ALOX15B: variants seen among roughly 807,000 people sequenced by gnomAD.
ALOX15B encodes the protein polyunsaturated fatty acid lipoxygenase ALOX15B.
A neutral mutation model predicts 73.8 loss-of-function variants in ALOX15B; 74 were observed. The ratio of observed to expected loss-of-function variants is 1.00; its 90% CI spans 0.83 to 1.22. ALOX15B has a LOEUF of 1.22. Ranked by LOEUF, ALOX15B falls within the 50% of genes most tolerant of loss-of-function variation. The pLI is 0.00. For missense variants in ALOX15B, 896 were observed against 859.9 expected (o/e 1.04, Z -0.52); for synonymous variants, 353 against 357.2 (o/e 0.99, Z 0.13).
chr17:8,046,622 G>A, intron 8 of ALOX15B, 46 bp from the exon 9 acceptor site: 1 of 1,585,134 alleles, frequency 6.3e-7, no homozygotes, highest in South Asian at 1.1e-5. Flanking sequence ...TCTGGGGCCA[G>A]AACAACCCAG....
rs200065292 is a variant in ALOX15B, at chr17:8,039,489, C to G, written c.251C>G (p.Pro84Arg). The G allele has an allele frequency of 7.8e-5, 123 of 1,583,108 alleles. No individual in the cohort carries two copies. In the African/African-American group the frequency reaches 1.4e-3, roughly 18 times the overall value. Reference protein sequence around the residue: ...PVLPLLGPLAPDAWFCRWFQL... With the variant: ...PVLPLLGPLARDAWFCRWFQL... ...CTGCCCCTGCTGGGGCCCCTGGCCC[C>G]GGATGCCTGGTTCTGCCGCTGGTTC... Residue 84 changes from proline to arginine, a missense_variant, in exon 2 of 14, where the codon CCG becomes CGG. By Grantham distance (103) the Pro-to-Arg change is moderately radical (BLOSUM62 -2). Transcript: ENST00000380183.
intron 8 of ALOX15B, 78 bp downstream of exon 8, chr17:8,045,764 C>G (rs1431594180): frequency 6.7e-7 from 1 of 1,484,972 alleles, no homozygotes; most frequent in Non-Finnish European, 9.2e-7. Context: ...TCACATGGCC[C>G]TATCCATGCA....
At chr17:8,046,629 C>A (rs1377914481) in intron 8 of ALOX15B, 39 bp from the exon 9 acceptor site, 26 of 1,594,262 alleles carry the variant, frequency 1.6e-5, no homozygotes, top group Non-Finnish European at 2.2e-5. Flanking sequence ...CCAGAACAAC[C>A]CAGGCCTCCC....
intron 5 of ALOX15B, among the ~76,000 whole-genome samples, chr17:8,044,008 G>A (rs776394091): frequency 1.4e-4 from 22 of 151,866 alleles, no homozygotes; most frequent in Non-Finnish European, 2.5e-4. Context: ...GATGGAGGTT[G>A]CCCTGAGCCA....
At position 8,039,548 on chromosome 17, in the gene ALOX15B, T is replaced by G; in HGVS notation, c.310T>G (p.Phe104Val). ...ACCGCCGCGGGGCGGCCACCTCCTC[T>G]TCCCCTGCTACCAGTGGCTGGAGGG... ...LTPPRGGHLLFPCYQWLEGAG... is the reference protein window; with the variant it reads ...LTPPRGGHLLVPCYQWLEGAG... Residue 104 changes from phenylalanine (F) to valine (V), a missense_variant, in exon 2 of 14, where the codon TTC (phenylalanine) becomes GTC (valine). Coordinates refer to ENST00000380183, the MANE Select transcript of ALOX15B (RefSeq NM_001141.3). 1 of 1,518,220 alleles carries G rather than the reference T, an allele frequency of 6.6e-7. No homozygotes were observed. The highest frequency in any genetic ancestry group is 8.8e-7 in the Non-Finnish European group (1 of 1,134,866). 94.0% of individuals were successfully genotyped at this position (1,518,220 alleles called of 1,614,324 possible). A position where few individuals can be genotyped will look rare whatever the true frequency, so the allele number is the denominator to read the frequency against.
intron 5 of ALOX15B, 68 bp from the exon 6 acceptor site, chr17:8,044,761 C>A: frequency 9.5e-7 from 1 of 1,049,514 alleles, no homozygotes; most frequent in Non-Finnish European, 1.4e-6. Context: ...ACCCCGTCCC[C>A]GTGTCCCCCA....
Position 8,044,884 on chromosome 17 carries a change from T to C in ALOX15B, c.732T>C (p.Asn244=). Residue 244 remains asparagine, a synonymous_variant, in exon 6 of 14, where the codon AAT becomes AAC. Coordinates refer to ENST00000380183, the MANE Select transcript of ALOX15B (RefSeq NM_001141.3). The part of the protein sequence containing the change: ...EDAFFASQFL[N]GLNPVLIRRC... ...CCTTCTTCGCCTCCCAGTTCCTGAA[T>C]GGTCTCAACCCTGTCCTGATCCGCC... The C allele has an allele frequency of 6.2e-7, 1 of 1,610,808 alleles. No individual in the cohort carries two copies. Among genetic ancestry groups the C allele is most frequent in the South Asian group, 1.1e-5 (1 of 91,006 alleles).
rs371467617 is a variant in ALOX15B, at chr17:8,046,703, C to G, written c.1236C>G (p.Ile412Met). The change falls in exon 9 of 14, where the codon ATC (isoleucine) becomes ATG (methionine). Residue 412 changes from isoleucine (I) to methionine (M), a missense_variant. Coordinates refer to ENST00000380183, the MANE Select transcript of ALOX15B (RefSeq NM_001141.3). ...LIPHTRYTLH[I>M]NTLARELLIV... is the part of the protein sequence containing the mutation. ...CGCACACCCGATACACCCTGCACAT[C>G]AACACACTCGCCCGGGAGCTGCTTA... The G allele has an allele frequency of 6.8e-6, 11 of 1,613,930 alleles. No homozygotes were observed. The highest frequency in any genetic ancestry group is 2.7e-5 in the African/African-American group (2 of 74,930).
Position 8,042,883 on chromosome 17 carries a change from T to G in ALOX15B, c.675T>G (p.Ala225=). 6.4e-7 allele frequency: 1 copy of G among 1,551,596 alleles called. No homozygotes were observed. The highest frequency in any genetic ancestry group is 1.4e-5 in the African/African-American group (1 of 73,226). Residue 225 remains alanine, a splice_region_variant and synonymous_variant, in exon 5 of 14, where the codon GCT becomes GCG. Coordinates refer to ENST00000380183, the MANE Select transcript of ALOX15B (RefSeq NM_001141.3). The stretch of plus-strand genomic sequence containing the variant: ...TCAACTTCCGGAGGACCCCAGCAGC[T>G]GGTGAGGAGCTTGGGCCAGGGATCC... ...RIFNFRRTPA[A]EHAFEHWQED...
At position 8,048,417 on chromosome 17, in the gene ALOX15B, T is replaced by A. The variant is rs117647130; in HGVS notation, c.1883T>A (p.Phe628Tyr). Reference sequence around the variant, plus strand: ...CTGGGCACCTATCCGGATGAGCACTTCACAGAGGAGGCCCCTCGGCGGAGC... The same window carrying A: ...CTGGGCACCTATCCGGATGAGCACTACACAGAGGAGGCCCCTCGGCGGAGC... ...RPLGTYPDEH[F>Y]TEEAPRRSIA... The change falls in exon 14 of 14, where the codon TTC becomes TAC. Residue 628 changes from phenylalanine to tyrosine, a missense_variant. Coordinates refer to ENST00000380183, the MANE Select transcript of ALOX15B (RefSeq NM_001141.3). 8 of 1,613,926 alleles carry A rather than the reference T, an allele frequency of 5.0e-6. No homozygotes were observed. The East Asian group carries it at 1.8e-4, about 36-fold the overall frequency.
At chr17:8,044,690 G>T in intron 5 of ALOX15B, 139 bp from the exon 6 acceptor site, 1 of 708,054 alleles carries the variant, frequency 1.4e-6, no homozygotes, top group Non-Finnish European at 2.3e-6. Flanking sequence ...ACAAGGGGCA[G>T]GGGAGGTAAC....
Position 8,042,794 on chromosome 17 carries a change from A to T in ALOX15B, c.586A>T (p.Lys196Ter). 1.3e-6 allele frequency: 2 copies of T among 1,557,958 alleles called. No homozygotes were observed. Among genetic ancestry groups the T allele is most frequent in the Non-Finnish European group, 1.7e-6 (2 of 1,150,560 alleles). ...ATCCCCTGGCAGTTTTGCAGAGATG[A>T]AAATCAAGGGGTTGCTGGACCGCAA... ...LQAGSAFAEM[K>*]IKGLLDRKGL... is the part of the protein sequence containing the mutation. Residue 196 changes from lysine (K) to a stop codon, truncating the protein, a stop_gained, in exon 5 of 14, where the codon AAA becomes TAA. Transcript: ENST00000380183. LOFTEE classifies it high-confidence loss of function.
Position 8,042,789 on chromosome 17 carries a change from A to T in ALOX15B, c.581A>T (p.Glu194Val). ...CTCACATCCCCTGGCAGTTTTGCAG[A>T]GATGAAAATCAAGGGGTTGCTGGAC... ...FYLQAGSAFA[E>V]MKIKGLLDRK... Residue 194 changes from glutamate (E) to valine (V), a missense_variant, in exon 5 of 14, where the codon GAG becomes GTG. Physicochemically the swap from Glu to Val is moderately radical, Grantham distance 121. Transcript: ENST00000380183. The T allele has an allele frequency of 6.4e-7, 1 of 1,557,440 alleles. No homozygotes were observed. Among genetic ancestry groups the T allele is most frequent in the Non-Finnish European group, 8.7e-7 (1 of 1,150,432 alleles).
chr17:8,045,966 G>A (rs770708543), intron 8 of ALOX15B, among the ~76,000 whole-genome samples: 9 of 151,732 alleles, frequency 5.9e-5, no homozygotes, highest in Non-Finnish European at 1.0e-4. Flanking sequence ...GGGGCTGGCA[G>A]GTGCCAAAGT....
rs1344443209 is a variant in ALOX15B, at chr17:8,047,639, A to C, written c.1655A>C (p.Lys552Thr). Residue 552 changes from lysine (K) to threonine (T), a missense_variant, in exon 12 of 14, where the codon AAG becomes ACG. Transcript: ENST00000380183. ...ATGGTGATATTCACCTGCTCCGCCA[A>C]GCATGCGGCTGTCAGTGCAGGGCAG... is the stretch of plus-strand genomic sequence containing the variant. ...VTMVIFTCSA[K>T]HAAVSAGQFD... 6.2e-7 allele frequency: 1 copy of C among 1,611,814 alleles called. No homozygotes were observed. The highest frequency in any genetic ancestry group is 8.5e-7 in the Non-Finnish European group (1 of 1,178,960).
At position 8,047,001 on chromosome 17, in the gene ALOX15B, G is replaced by A. The variant is rs140623478; in HGVS notation, c.1382G>A (p.Arg461Gln). ...YSLLCLPEDI[R>Q]TRGVEDIPGY... ...CTCCTGTGTCTGCCTGAGGATATCCGGACCCGAGGAGTTGAAGACATCCCA... is the reference window on the plus strand; with the variant it reads ...CTCCTGTGTCTGCCTGAGGATATCCAGACCCGAGGAGTTGAAGACATCCCA... The change falls in exon 10 of 14, where the codon CGG (arginine) becomes CAG (glutamine). Residue 461 changes from arginine (R) to glutamine (Q), a missense_variant. Physicochemically the swap from Arg to Gln is conservative, Grantham distance 43. Transcript: ENST00000380183. 3,687 of 1,614,084 alleles carry A rather than the reference G, an allele frequency of 2.3e-3. 23 individuals are homozygous for A. The highest frequency in any genetic ancestry group is 0.015 in the South Asian group (1,382 of 91,082).
rs1223911059 is a variant in ALOX15B, at chr17:8,039,942, A to G, written c.408A>G (p.Gln136=). The change falls in exon 3 of 14, where the codon CAA becomes CAG. Residue 136 remains glutamine (Q), a synonymous_variant. Coordinates refer to ENST00000380183, the MANE Select transcript of ALOX15B (RefSeq NM_001141.3). ...CAGACCACCACCCTGTGCTCCAGCA[A>G]CAGCGCCAGGAGGAGCTTCAGGCCC... ...SWADHHPVLQ[Q]QRQEELQARQ... is the part of the protein sequence containing the mutation. 1 of 1,613,450 alleles carries G rather than the reference A, an allele frequency of 6.2e-7. No homozygotes were observed. The highest frequency in any genetic ancestry group is 8.5e-7 in the Non-Finnish European group (1 of 1,179,784).
chr17:8,040,773 C>T (rs1028897068), intron 3 of ALOX15B, among the ~76,000 whole-genome samples: 7 of 152,134 alleles, frequency 4.6e-5, no homozygotes, highest in Non-Finnish European at 2.9e-5. Flanking sequence ...GCCAGAAACA[C>T]GCCCTTCAAG....
chr17:8,042,815 C>A lies in ALOX15B; in HGVS notation c.607C>A (p.Arg203Ser). The change falls in exon 5 of 14, where the codon CGC becomes AGC. Residue 203 changes from arginine (R) to serine (S), a missense_variant. Transcript: ENST00000380183. ...AEMKIKGLLD[R>S]KGLWRSLNEM... The stretch of plus-strand genomic sequence containing the variant: ...GATGAAAATCAAGGGGTTGCTGGAC[C>A]GCAAGGGGCTCTGGAGGAGTCTGAA... The A allele has an allele frequency of 6.4e-7, 1 of 1,559,918 alleles. No individual in the cohort carries two copies.
Sources: allele counts gnomAD v4.1 joint callset (sites outside exome capture counted in the v4.1 genomes callset), GRCh38; gene constraint gnomAD v4.1.1; transcripts MANE v1.5; gene names NCBI Gene and HGNC (gene_info 2026-07-23, HGNC 2026-07-21).